LINGO2: variants seen among roughly 807,000 people sequenced by gnomAD.
The protein encoded by LINGO2 is leucine rich repeat and Ig domain containing 2.
LINGO2 carries 14 observed loss-of-function variants against 30.6 expected under a neutral mutation model. The observed-to-expected ratio is 0.46, with a 90% confidence interval of 0.30 to 0.72. The LOEUF is 0.72. LINGO2 is among the 30% of genes least tolerant of loss of function. The pLI is 0.07. For missense variants in LINGO2, 729 were observed against 751.7 expected, an observed-to-expected ratio of 0.97 and a Z score of 0.35; for synonymous variants, 317 against 288.5, an observed-to-expected ratio of 1.10 and a Z score of -1.00.
At chr9:28,499,080 C>T (rs1264013744) in intron 1 of LINGO2, among the ~76,000 whole-genome samples, 1 of 152,028 alleles carries the variant, frequency 6.6e-6, no homozygotes, top group Non-Finnish European at 1.5e-5. Context: ...TTCATTTATC[C>T]ACACTCTGAA....
the LINGO2 span, among the ~76,000 whole-genome samples, chr9:29,035,801 A>G: frequency 6.6e-6 from 1 of 152,040 alleles, no homozygotes; most frequent in African/African-American, 2.4e-5. Flanking sequence ...TTTAGTCCCA[A>G]TTTGTTCCCT....
At chr9:28,123,852 G>A (rs1827166885) in intron 4 of LINGO2, among the ~76,000 whole-genome samples, 1 of 151,922 alleles carries the variant, frequency 6.6e-6, no homozygotes, top group Admixed American at 6.6e-5. Context: ...TTTTTCAGTA[G>A]AGATGGGGTT....
At chr9:28,505,562 G>T (rs561203721) in intron 1 of LINGO2, among the ~76,000 whole-genome samples, 2 of 151,940 alleles carry the variant, frequency 1.3e-5, no homozygotes, top group African/African-American at 4.8e-5. Flanking sequence ...CTTTTTAAAA[G>T]AAATAGATCA....
At chr9:28,125,586 T>G (rs1164058964) in intron 4 of LINGO2, among the ~76,000 whole-genome samples, 1 of 152,116 alleles carries the variant, frequency 6.6e-6, no homozygotes, top group Non-Finnish European at 1.5e-5. Context: ...TGCTGTTGAC[T>G]GCAGGGCTCT....
At chr9:28,592,215 G>A (rs543421425) in intron 1 of LINGO2, among the ~76,000 whole-genome samples, 2 of 152,106 alleles carry the variant, frequency 1.3e-5, no homozygotes, top group South Asian at 2.1e-4. Context: ...AGAAGAAAAC[G>A]GAGTATTAAA....
chr9:28,674,123 A>G (rs1378745441), upstream of LINGO2, among the ~76,000 whole-genome samples: 1 of 152,140 alleles, frequency 6.6e-6, no homozygotes, highest in Non-Finnish European at 1.5e-5. Context: ...AACAGTAACT[A>G]TAGAGGATTA....
intron 1 of LINGO2, among the ~76,000 whole-genome samples, chr9:28,584,675 C>T (rs970552050): frequency 6.6e-6 from 1 of 151,932 alleles, no homozygotes; most frequent in Non-Finnish European, 1.5e-5. Context: ...TAGATTTTAT[C>T]ACTTGAATAA....
intron 5 of LINGO2, among the ~76,000 whole-genome samples, chr9:27,993,516 G>GCCTTCCAT (rs1189877105): frequency 6.6e-6 from 1 of 152,026 alleles, no homozygotes; most frequent in African/African-American, 2.4e-5. Context: ...CAGCCTTCCA[G>GCCTTCCAT]CCTGGGTAAC....
intron 1 of LINGO2, among the ~76,000 whole-genome samples, chr9:28,652,859 A>G (rs1372171551): frequency 2.0e-5 from 3 of 152,080 alleles, no homozygotes; most frequent in Admixed American, 2.0e-4. Context: ...GTATATTAGT[A>G]TTAAGGTCAA....
chr9:27,990,057 C>A (rs913401654), intron 5 of LINGO2, among the ~76,000 whole-genome samples: 5 of 152,046 alleles, frequency 3.3e-5, no homozygotes, highest in African/African-American at 7.2e-5. Context: ...AGCAATCATT[C>A]CTTTGAATGA....
At chr9:28,263,919 T>C (rs750693501) in intron 4 of LINGO2, among the ~76,000 whole-genome samples, 5 of 152,020 alleles carry the variant, frequency 3.3e-5, no homozygotes, top group African/African-American at 9.7e-5. Flanking sequence ...AGCGTCTATA[T>C]ATGTATGTCT....
the LINGO2 span, among the ~76,000 whole-genome samples, chr9:28,821,044 C>T: frequency 6.6e-6 from 1 of 152,194 alleles, no homozygotes; most frequent in African/African-American, 2.4e-5. Context: ...TTTTAACATG[C>T]CCAGCATCTC....
intron 4 of LINGO2, among the ~76,000 whole-genome samples, chr9:28,104,336 G>A (rs76107807): frequency 1.3e-4 from 16 of 126,432 alleles, no homozygotes; most frequent in Non-Finnish European, 2.5e-4. Flanking sequence ...TGATGTATAA[G>A]TGTAACAGTT....
At chr9:28,387,254 A>G (rs1250081985) in intron 2 of LINGO2, among the ~76,000 whole-genome samples, 1 of 152,030 alleles carries the variant, frequency 6.6e-6, no homozygotes, top group Non-Finnish European at 1.5e-5. Context: ...CACTCTGTAA[A>G]AATGCACCAA....
intron 3 of LINGO2, among the ~76,000 whole-genome samples, chr9:28,310,780 GT>G: frequency 6.6e-6 from 1 of 152,130 alleles, no homozygotes; most frequent in Non-Finnish European, 1.5e-5. Context: ...TAAGTATAAA[GT>G]TTAATTTGAA....
At chr9:28,431,137 T>C (rs906025767) in intron 2 of LINGO2, among the ~76,000 whole-genome samples, 2 of 151,890 alleles carry the variant, frequency 1.3e-5, no homozygotes, top group African/African-American at 4.8e-5. Context: ...CCATCACATA[T>C]GTCACCTTCT....
At chr9:29,134,468 T>A in the LINGO2 span, among the ~76,000 whole-genome samples, 4 of 152,156 alleles carry the variant, frequency 2.6e-5, no homozygotes, top group African/African-American at 9.6e-5. Flanking sequence ...TTTTATATTT[T>A]GTTGGTTGTA....
chr9:28,817,457 C>T, the LINGO2 span, among the ~76,000 whole-genome samples: 49 of 152,254 alleles, frequency 3.2e-4, no homozygotes, highest in African/African-American at 1.1e-3. Flanking sequence ...CTTTCCATTC[C>T]TCATCTAAGC....
chr9:28,621,733 AG>A (rs1826403721), intron 1 of LINGO2, among the ~76,000 whole-genome samples: 1 of 152,066 alleles, frequency 6.6e-6, no homozygotes, highest in South Asian at 2.1e-4. Flanking sequence ...ACCTTAATAA[AG>A]CAAATATTGC....
Sources: allele counts gnomAD v4.1 joint callset (sites outside exome capture counted in the v4.1 genomes callset), GRCh38; gene constraint gnomAD v4.1.1; transcripts MANE v1.5; gene names NCBI Gene and HGNC (gene_info 2026-07-23, HGNC 2026-07-21).